The following RAG1 variants were observed in gnomAD, a reference collection of about 807,000 sequenced individuals.
The protein encoded by RAG1 is V(D)J recombination-activating protein 1.
In RAG1, 35 loss-of-function variants were observed where a neutral mutation model predicts 62.7. That is an observed-to-expected ratio of 0.56 (90% CI 0.43 to 0.74). RAG1 has a LOEUF of 0.74. RAG1 is among the 30% of genes least tolerant of loss of function. The pLI, the probability that RAG1 is intolerant of heterozygous loss-of-function variation, is 0.00. For synonymous variants in RAG1, 461 were observed against 470.3 expected, an observed-to-expected ratio of 0.98 and a Z score of 0.26; for missense variants, 1,169 against 1,278.6, an observed-to-expected ratio of 0.91 and a Z score of 1.31.
chr11:36,526,632 T>C (rs1187640798), intron 2 of RAG1, among the ~76,000 whole-genome samples: 1 of 152,222 alleles, frequency 6.6e-6, no homozygotes, highest in Non-Finnish European at 1.5e-5. Context: ...GTATTTCTAG[T>C]TCTAGATCCT....
At position 36,574,084 on chromosome 11, in the gene RAG1, G is replaced by A; in HGVS notation, c.780G>A (p.Lys260=). Residue 260 remains lysine (K), a synonymous_variant, in exon 2 of 2, where the codon AAG becomes AAA. Coordinates refer to ENST00000299440, the MANE Select transcript of RAG1 (RefSeq NM_000448.3). ...GAGCTCAGGCAAGGATCAGCAGCAA[G>A]GATGTCATGAAGAAGATCGCCAACT... ...KRRAQARISS[K]DVMKKIANCS... The A allele has an allele frequency of 6.2e-7, 1 of 1,614,194 alleles. No homozygotes were observed. The highest frequency in any genetic ancestry group is 8.5e-7 in the Non-Finnish European group (1 of 1,180,040).
intron 1 of RAG1, among the ~76,000 whole-genome samples, chr11:36,571,513 G>A (rs1037968416): frequency 3.3e-5 from 5 of 152,190 alleles, no homozygotes; most frequent in South Asian, 2.1e-4. Context: ...TGAAATGGCC[G>A]TGTATTGTTT....
At chr11:36,519,860 A>G (rs1389098090) in intron 1 of RAG1, among the ~76,000 whole-genome samples, 1 of 152,236 alleles carries the variant, frequency 6.6e-6, no homozygotes, top group Non-Finnish European at 1.5e-5. Flanking sequence ...AAATTCACAG[A>G]CAAGAGAAAA....
chr11:36,576,767 C>T lies in RAG1; in HGVS notation c.*331C>T. ...TCATGTAAATCAAAGCCAAGGTTGT[C>T]AAAGAACAGCCAGTGAGGCCAGGAA... On this transcript the variant is annotated 3_prime_UTR_variant, in exon 2 of 2. Transcript: ENST00000299440. 3.3e-6 allele frequency: 1 copy of T among 303,966 alleles called. No individual in the cohort carries two copies. Among genetic ancestry groups the T allele is most frequent in the Non-Finnish European group, 6.5e-6 (1 of 153,544 alleles). The allele number at this position is 303,966 out of a possible 1,614,324, so 18.8% of individuals were successfully genotyped here.
intron 1 of RAG1, among the ~76,000 whole-genome samples, chr11:36,512,773 T>C (rs182318309): frequency 3.0e-4 from 46 of 152,354 alleles, no homozygotes; most frequent in Non-Finnish European, 5.7e-4. Flanking sequence ...GCAAAAATAA[T>C]TGTGGTCTTT....
At position 36,573,765 on chromosome 11, in the gene RAG1, T is replaced by C; in HGVS notation, c.461T>C (p.Leu154Pro). The C allele has an allele frequency of 6.2e-7, 1 of 1,614,102 alleles. No individual in the cohort carries two copies. The highest frequency in any genetic ancestry group is 1.7e-5 in the Admixed American group (1 of 60,026). The change falls in exon 2 of 2, where the codon CTC (leucine) becomes CCC (proline). Residue 154 changes from leucine to proline, a missense_variant. Around this residue, in one of 2 missense-constraint regions of RAG1, gnomAD observed 369 missense variants for 335.3 expected, o/e 1.10. Transcript: ENST00000299440. ...AAGAGAGCTACTTCCTGGCCGGACC[T>C]CATTGCCAAGGTTTTCCGGATCGAT... is the stretch of plus-strand genomic sequence containing the variant. The part of the protein sequence containing the change: ...KEKRATSWPD[L>P]IAKVFRIDVK...
intron 3 of RAG1, among the ~76,000 whole-genome samples, chr11:36,551,803 T>G (rs1590687289): frequency 7.0e-6 from 1 of 142,782 alleles, no homozygotes; most frequent in South Asian, 2.4e-4. Context: ...TTCCCCTTCC[T>G]GTGTCCATGT....
At chr11:36,557,568 C>T (rs534859896) in intron 3 of RAG1, among the ~76,000 whole-genome samples, 151 of 152,096 alleles carry the variant, frequency 9.9e-4, no homozygotes, top group Non-Finnish European at 1.7e-3. Flanking sequence ...AATCACCCGT[C>T]TTCTGCGTCG....
chr11:36,550,188 A>G (rs1850462400), intron 3 of RAG1, among the ~76,000 whole-genome samples: 1 of 152,084 alleles, frequency 6.6e-6, no homozygotes, highest in Non-Finnish European at 1.5e-5. Flanking sequence ...GGTGCAGCAA[A>G]CCACCATGGC....
At chr11:36,519,337 G>C (rs182364235) in intron 1 of RAG1, among the ~76,000 whole-genome samples, 3 of 152,298 alleles carry the variant, frequency 2.0e-5, no homozygotes, top group African/African-American at 7.2e-5. Flanking sequence ...TAAAATATTA[G>C]ACATTGGAAC....
At chr11:36,535,167 G>A (rs1035141611) in intron 2 of RAG1, among the ~76,000 whole-genome samples, 2 of 151,808 alleles carry the variant, frequency 1.3e-5, no homozygotes. Flanking sequence ...AGGGTGTAAA[G>A]TCTGAAATAT....
intron 3 of RAG1, among the ~76,000 whole-genome samples, chr11:36,542,930 C>T (rs936832311): frequency 1.3e-5 from 2 of 152,092 alleles, no homozygotes; most frequent in Admixed American, 1.3e-4. Flanking sequence ...GCAAATAAGT[C>T]CATTTCTTTA....
intron 3 of RAG1, among the ~76,000 whole-genome samples, chr11:36,543,670 T>A (rs1018705802): frequency 2.0e-5 from 3 of 152,186 alleles, no homozygotes; most frequent in Non-Finnish European, 4.4e-5. Context: ...GAAATATTGA[T>A]AACATGCGGG....
intron 1 of RAG1, among the ~76,000 whole-genome samples, chr11:36,518,067 C>T (rs1014836297): frequency 3.4e-5 from 5 of 148,754 alleles, no homozygotes; most frequent in Middle Eastern, 3.7e-3. Context: ...CAGTTCCCAC[C>T]TATGAGTGAG....
chr11:36,524,505 T>TC (rs953525296), intron 2 of RAG1, among the ~76,000 whole-genome samples: 6 of 148,106 alleles, frequency 4.1e-5, no homozygotes, highest in African/African-American at 1.6e-4. Context: ...TTTTTTTTTT[T>TC]CAGACAAGGT....
intron 2 of RAG1, among the ~76,000 whole-genome samples, chr11:36,531,461 G>C (rs1860254768): frequency 1.3e-5 from 2 of 151,600 alleles, no homozygotes; most frequent in South Asian, 2.1e-4. Flanking sequence ...GTTTTATATA[G>C]TGGTATGTCT....
chr11:36,512,298 G>A (rs1352109801), intron 1 of RAG1, among the ~76,000 whole-genome samples: 1 of 152,212 alleles, frequency 6.6e-6, no homozygotes, highest in Non-Finnish European at 1.5e-5. Context: ...GCAACTACAA[G>A]AGGGAAGAGA....
At position 36,524,583 on chromosome 11, in the gene RAG1, C is replaced by T. The variant is rs143968941; in HGVS notation, n.428+4354C>T. 2.2e-4 allele frequency among the ~76,000 whole-genome samples: 33 copies of T among 151,636 alleles called. No homozygotes were observed. The East Asian group carries it at 4.3e-3, about 20-fold the overall frequency. On this transcript the variant is annotated intron_variant and non_coding_transcript_variant, in intron 2 of 2. Coordinates refer to the RAG1 transcript ENST00000529126. Reference sequence around the variant, plus strand: ...GCACACTGCAGGCTCCACCTTCCCTCGCTCAGGTGATCCTTCCACCTAAGC... The same window carrying T: ...GCACACTGCAGGCTCCACCTTCCCTTGCTCAGGTGATCCTTCCACCTAAGC...
Position 36,576,020 on chromosome 11 carries a change from C to T in RAG1, c.2716C>T (p.Pro906Ser), listed in dbSNP as rs1590704274. ...ATCATCATGCCCTGCTAAAGAGTGC[C>T]CAGAATCCCTCTGCCAGTACAGTTT... is the stretch of plus-strand genomic sequence containing the variant. Reference protein sequence around the residue: ...WRSSCPAKECPESLCQYSFNS... With the variant: ...WRSSCPAKECSESLCQYSFNS... Residue 906 changes from proline (P) to serine (S), a missense_variant, in exon 2 of 2, where the codon CCA (proline) becomes TCA (serine). Pro to Ser is a moderately conservative substitution (Grantham distance 74). Coordinates refer to ENST00000299440, the MANE Select transcript of RAG1 (RefSeq NM_000448.3). The T allele has an allele frequency of 1.2e-6, 2 of 1,614,148 alleles. No individual in the cohort carries two copies. The highest frequency in any genetic ancestry group is 1.7e-6 in the Non-Finnish European group (2 of 1,180,044).
Sources: gnomAD v4.1 joint callset for allele counts (sites outside exome capture counted in the v4.1 genomes callset) on GRCh38, gnomAD v4.1.1 for gene constraint, gnomAD v4.1.1 regional missense constraint, MANE v1.5 for transcripts, NCBI Gene and HGNC (gene_info 2026-07-23, HGNC 2026-07-21) for gene names.